The following CFAP20DC variants were observed in gnomAD, a reference collection of about 807,000 sequenced individuals.
The protein encoded by CFAP20DC is CFAP20 domain containing, also known as protein CFAP20DC.
Under a neutral mutation model 101.7 loss-of-function variants are expected in CFAP20DC, and 84 were observed. That is an observed-to-expected ratio of 0.83 (90% CI 0.69 to 0.99). The LOEUF (loss-of-function observed/expected upper bound fraction) is 0.99. Ranked by LOEUF, CFAP20DC falls within the 50% of genes least tolerant of loss-of-function variation. The pLI is 0.00. For synonymous variants in CFAP20DC, 359 were observed against 351.2 expected, an observed-to-expected ratio of 1.02 and a Z score of -0.25; for missense variants, 1,007 against 970.3, an observed-to-expected ratio of 1.04 and a Z score of -0.50.
At chr3:58,842,732 C>T (rs1263572897) in intron 13 of CFAP20DC, among the ~76,000 whole-genome samples, 1 of 152,248 alleles carries the variant, frequency 6.6e-6, no homozygotes, top group African/African-American at 2.4e-5. Flanking sequence ...AACAAAAAGA[C>T]AGCAGTAACC....
At chr3:58,986,333 G>A (rs2092750452) in intron 4 of CFAP20DC, among the ~76,000 whole-genome samples, 1 of 152,090 alleles carries the variant, frequency 6.6e-6, no homozygotes, top group African/African-American at 2.4e-5. Flanking sequence ...ATGTGTGCAT[G>A]TGTGCACAGA....
intron 3 of CFAP20DC, among the ~76,000 whole-genome samples, chr3:58,736,570 T>C (rs1048350276): frequency 2.0e-5 from 3 of 152,232 alleles, no homozygotes; most frequent in Admixed American, 2.0e-4. Flanking sequence ...CATATAATTT[T>C]GCTTATCTCA....
chr3:59,012,475 G>T (rs1423334578), intron 4 of CFAP20DC, among the ~76,000 whole-genome samples: 2 of 151,432 alleles, frequency 1.3e-5, no homozygotes, highest in African/African-American at 4.9e-5. Context: ...ATCCTACCAA[G>T]AGTCCAGTGG....
chr3:58,869,239 G>C lies in CFAP20DC; in HGVS notation c.1015+89C>G. 9.5e-7 allele frequency: 1 copy of C among 1,055,232 alleles called. No individual in the cohort carries two copies. Among genetic ancestry groups the C allele is most frequent in the South Asian group, 1.8e-5 (1 of 55,190 alleles). 65.4% of individuals were successfully genotyped at this position (1,055,232 alleles called of 1,614,324 possible). A position where few individuals can be genotyped will look rare whatever the true frequency, so the allele number is the denominator to read the frequency against. The stretch of plus-strand genomic sequence containing the variant: ...GACAATTCTCTAGACTTAAGATCTA[G>C]ACTTGAATATAACTGCTGATTTATC... On this transcript the variant is annotated intron_variant, in intron 9 of 16. Transcript: ENST00000482387. The surrounding 1 kb of genome is among the most constrained non-coding windows in gnomAD (Gnocchi z 4.3).
At chr3:59,032,253 G>A (rs1256477233) in intron 4 of CFAP20DC, among the ~76,000 whole-genome samples, 1 of 152,068 alleles carries the variant, frequency 6.6e-6, no homozygotes, top group East Asian at 1.9e-4. Flanking sequence ...CTAGGTTTCA[G>A]GCCCAAAACT....
chr3:58,932,241 C>T (rs1308173860), intron 5 of CFAP20DC, among the ~76,000 whole-genome samples: 2 of 152,054 alleles, frequency 1.3e-5, no homozygotes, highest in Non-Finnish European at 2.9e-5. Flanking sequence ...TAAAAAGAAA[C>T]AAACAAAGCC....
intron 14 of CFAP20DC, among the ~76,000 whole-genome samples, chr3:58,808,367 C>T (rs1187298067): frequency 2.0e-5 from 3 of 152,318 alleles, no homozygotes; most frequent in South Asian, 2.1e-4. Flanking sequence ...GCTGATCTCT[C>T]AGCAGAAATT....
chr3:58,929,563 A>C (rs2086358630), intron 5 of CFAP20DC, among the ~76,000 whole-genome samples: 1 of 152,252 alleles, frequency 6.6e-6, no homozygotes, highest in Non-Finnish European at 1.5e-5. Context: ...GTCACATTTA[A>C]TGTTCAAGCA....
intron 5 of CFAP20DC, among the ~76,000 whole-genome samples, chr3:58,928,274 AT>A (rs1236989066): frequency 6.6e-6 from 1 of 152,180 alleles, no homozygotes; most frequent in Non-Finnish European, 1.5e-5. Context: ...GGGTTATGAA[AT>A]TGTGAATGGC....
At position 58,719,492 on chromosome 3, in the gene CFAP20DC, C is replaced by T. The variant is rs549011041; in HGVS notation, c.198-1864G>A. Among the ~76,000 whole-genome samples the T allele has an allele frequency of 1.6e-3, 244 of 152,268 alleles. 1 individual carries two copies. The Middle Eastern group carries it at 0.054, about 34-fold the overall frequency. ...AAATGCATAGACTTGTGTTAGCAAA[C>T]GGTTTACTTTGCAGGCATGGAAGAT... On this transcript the variant is annotated intron_variant, in intron 3 of 3. Transcript: ENST00000486145.
chr3:58,740,191 G>T (rs973353458), downstream of CFAP20DC, among the ~76,000 whole-genome samples: 3 of 152,162 alleles, frequency 2.0e-5, no homozygotes, highest in African/African-American at 7.2e-5. This position sits in a 1 kb window ranked among gnomAD's most constrained non-coding sequence, Gnocchi z 4.6. Flanking sequence ...AGAGAGAAGA[G>T]ATGGCAAAAT....
Position 58,861,359 on chromosome 3 carries a change from G to A in CFAP20DC, c.1593+2199C>T, listed in dbSNP as rs2079231729. ...TGAAGTATAATTATACAAAGATAAG[G>A]ATGTAACATTCTAAAATAATGCAAT... On this transcript the variant is annotated intron_variant, in intron 12 of 16. Transcript: ENST00000482387. The surrounding 1 kb of genome is among the most constrained non-coding windows in gnomAD (Gnocchi z 4.0). The A allele has an allele frequency of 1.3e-6, 1 of 758,536 alleles. No individual in the cohort carries two copies. The highest frequency in any genetic ancestry group is 6.1e-5 in the South Asian group (1 of 16,484). 47.0% of individuals were successfully genotyped at this position (758,536 alleles called of 1,614,324 possible). A position where few individuals can be genotyped will look rare whatever the true frequency, so the allele number is the denominator to read the frequency against.
At position 59,002,024 on chromosome 3, in the gene CFAP20DC, G is replaced by A. The variant is rs780628663; in HGVS notation, c.278+37533C>T. 6.6e-6 allele frequency among the ~76,000 whole-genome samples: 1 copy of A among 152,156 alleles called. No homozygotes were observed. The highest frequency in any genetic ancestry group is 6.5e-5 in the Admixed American group (1 of 15,284). On this transcript the variant is annotated intron_variant, in intron 4 of 16. Transcript: ENST00000482387. This position sits in a 1 kb window ranked among gnomAD's most constrained non-coding sequence, Gnocchi z 4.5. The stretch of plus-strand genomic sequence containing the variant: ...AATACCGGGTATATACTAAAATGCC[G>A]TGTGGTTGGCCACCATCTTAATCGT...
chr3:58,943,781 T>C (rs1469530808), intron 4 of CFAP20DC, among the ~76,000 whole-genome samples: 1 of 152,068 alleles, frequency 6.6e-6, no homozygotes, highest in Non-Finnish European at 1.5e-5. Context: ...TACTCTAAGC[T>C]AAAGGAGCAT....
rs1157665068 is a variant in CFAP20DC, at chr3:59,015,644, A to G, written c.278+23913T>C. ...AATCCTCTAGTTTATTCACATTTAC[A>G]TCACTTTAGGAATTAGTTGCATTCC... On this transcript the variant is annotated intron_variant, in intron 4 of 16. Transcript: ENST00000482387. This position sits in a 1 kb window ranked among gnomAD's most constrained non-coding sequence, Gnocchi z 5.4. 6.6e-6 allele frequency among the ~76,000 whole-genome samples: 1 copy of G among 152,112 alleles called. No individual in the cohort carries two copies.
chr3:59,027,197 T>C (rs2093908775), intron 4 of CFAP20DC, among the ~76,000 whole-genome samples: 1 of 152,190 alleles, frequency 6.6e-6, no homozygotes, highest in Admixed American at 6.5e-5. Flanking sequence ...AATTTCAAAT[T>C]CAGAATACTG....
chr3:58,975,375 C>T (rs1162507736), intron 4 of CFAP20DC, among the ~76,000 whole-genome samples: 2 of 152,120 alleles, frequency 1.3e-5, no homozygotes, highest in Non-Finnish European at 2.9e-5. Context: ...AAATGCCTGC[C>T]TCACAGTAGG....
At position 58,859,032 on chromosome 3, in the gene CFAP20DC, T is replaced by C. The variant is rs2079049016; in HGVS notation, c.1593+4526A>G. Among the ~76,000 whole-genome samples the C allele has an allele frequency of 6.6e-6, 1 of 152,208 alleles. No individual in the cohort carries two copies. The highest frequency in any genetic ancestry group is 2.4e-5 in the African/African-American group (1 of 41,450). On this transcript the variant is annotated intron_variant, in intron 12 of 16. Transcript: ENST00000482387. This position sits in a 1 kb window ranked among gnomAD's most constrained non-coding sequence, Gnocchi z 4.1. ...TCCCAAGAAGTACTTGTGCTTCTAC[T>C]TGAATTTTGTAGCAAATGATGAAAG...
chr3:58,742,461 T>C lies in CFAP20DC; in HGVS notation c.2444A>G (p.Ter815=). 6.3e-7 allele frequency: 1 copy of C among 1,598,716 alleles called. No homozygotes were observed. Among genetic ancestry groups the C allele is most frequent in the African/African-American group, 1.3e-5 (1 of 74,432 alleles). The change falls in exon 17 of 17, where the codon TAA becomes TGA. Residue 815 remains the stop codon, a stop_retained_variant. Transcript: ENST00000482387. ...TGCTCTCTGCCCCGGAAGGAGGCATTATACCAACTCATAGTATTTCCCTGT... is the reference window on the plus strand; with the variant it reads ...TGCTCTCTGCCCCGGAAGGAGGCATCATACCAACTCATAGTATTTCCCTGT... The part of the protein sequence containing the change: ...PQTGKYYELV[*]
Sources: allele counts gnomAD v4.1 joint callset (sites outside exome capture counted in the v4.1 genomes callset), GRCh38; gene constraint gnomAD v4.1.1; non-coding constraint Gnocchi (gnomAD v3.1); transcripts MANE v1.5; gene names NCBI Gene and HGNC (gene_info 2026-07-23, HGNC 2026-07-21).